The following PLAAT3 variants were observed in gnomAD, a reference collection of about 807,000 sequenced individuals.
PLAAT3 encodes phospholipase A and acyltransferase 3.
A neutral mutation model predicts 16.7 loss-of-function variants in PLAAT3; 21 were observed. The ratio of observed to expected loss-of-function variants is 1.26; its 90% CI spans 0.89 to 1.81. The LOEUF (loss-of-function observed/expected upper bound fraction) is 1.81. Among genes scored for constraint, PLAAT3 ranks in the 40% most tolerant of loss-of-function variants. The probability of loss-of-function intolerance (pLI) is 0.00; values close to 1 mark genes in which losing one functional copy is unlikely to be tolerated. For synonymous variants in PLAAT3, 76 were observed against 81.7 expected (o/e 0.93, Z 0.38); for missense variants, 219 against 213.7 (o/e 1.02, Z -0.16).
chr11:63,603,836 T>C (rs1938494274), intron 2 of PLAAT3, among the ~76,000 whole-genome samples: 1 of 151,878 alleles, frequency 6.6e-6, no homozygotes, highest in African/African-American at 2.4e-5. Context: ...TTGAAAGACA[T>C]TATTATTCCA....
chr11:63,592,270 G>A (rs1166803376), intron 3 of PLAAT3, among the ~76,000 whole-genome samples: 1 of 151,700 alleles, frequency 6.6e-6, no homozygotes, highest in Non-Finnish European at 1.5e-5. Flanking sequence ...CAGTTCAAGC[G>A]ATTCTCATGC....
intron 4 of PLAAT3, among the ~76,000 whole-genome samples, chr11:63,586,905 G>A (rs1198699573): frequency 6.6e-6 from 1 of 152,152 alleles, no homozygotes; most frequent in Admixed American, 6.5e-5. Context: ...CCGATATGGG[G>A]AAACCACATC....
chr11:63,601,383 A>G (rs2134422101), intron 2 of PLAAT3, among the ~76,000 whole-genome samples: 1 of 142,578 alleles, frequency 7.0e-6, no homozygotes, highest in East Asian at 2.3e-4. Flanking sequence ...TTTAGAAGGG[A>G]AAAAAGCTGT....
At chr11:63,582,833 A>G (rs940665561) in intron 4 of PLAAT3, among the ~76,000 whole-genome samples, 2 of 152,190 alleles carry the variant, frequency 1.3e-5, no homozygotes, top group Admixed American at 6.6e-5. Flanking sequence ...CATTGGTCAC[A>G]TAGAAGTTTT....
At chr11:63,603,755 GA>G (rs1565255539) in intron 2 of PLAAT3, among the ~76,000 whole-genome samples, 1 of 39,762 alleles carries the variant, frequency 2.5e-5, no homozygotes, top group East Asian at 1.1e-3. Context: ...CACACACACA[GA>G]CAGAGATATT....
At chr11:63,610,909 C>T (rs1174142288) in intron 2 of PLAAT3, among the ~76,000 whole-genome samples, 1 of 152,014 alleles carries the variant, frequency 6.6e-6, no homozygotes, top group East Asian at 1.9e-4. Flanking sequence ...CAGCAGGAGG[C>T]ATCACAGGCT....
At chr11:63,613,678 C>T (rs1938750769) in intron 2 of PLAAT3, among the ~76,000 whole-genome samples, 1 of 19,148 alleles carries the variant, frequency 5.2e-5, no homozygotes, top group African/African-American at 5.6e-5. Context: ...GTCCCGCTGT[C>T]CGGGTGTGGC....
chr11:63,589,631 A>C (rs1938086843), intron 4 of PLAAT3, among the ~76,000 whole-genome samples: 1 of 152,142 alleles, frequency 6.6e-6, no homozygotes, highest in Non-Finnish European at 1.5e-5. Context: ...TGCCACACAG[A>C]CCTGGGCTTC....
upstream of PLAAT3, chr11:63,616,202 A>G (rs1218867974): frequency 6.6e-6 from 1 of 151,968 alleles, no homozygotes; most frequent in Non-Finnish European, 1.5e-5. Context: ...TTATTCCTCT[A>G]TTCCTCCTAA....
chr11:63,614,124 C>T, intron 1 of PLAAT3, 56 bp from the exon 2 acceptor site: 4 of 1,460,380 alleles, frequency 2.7e-6, no homozygotes, highest in Non-Finnish European at 3.8e-6. Flanking sequence ...CGTCTCCAGA[C>T]CCCACGGGAC....
chr11:63,597,799 C>T (rs1464025940), intron 3 of PLAAT3, among the ~76,000 whole-genome samples: 1 of 152,182 alleles, frequency 6.6e-6, no homozygotes, highest in African/African-American at 2.4e-5. Context: ...TGCTCTGGAG[C>T]CCAGTTCCTA....
chr11:63,585,860 G>A (rs1011323881), intron 4 of PLAAT3, among the ~76,000 whole-genome samples: 1 of 152,088 alleles, frequency 6.6e-6, no homozygotes, highest in Non-Finnish European at 1.5e-5. Context: ...AAAGAATAAT[G>A]GTATAAGACA....
intron 3 of PLAAT3, among the ~76,000 whole-genome samples, chr11:63,593,880 C>T (rs905142371): frequency 6.6e-6 from 1 of 152,148 alleles, no homozygotes; most frequent in Non-Finnish European, 1.5e-5. Flanking sequence ...GCACCTGGCC[C>T]TTGATTTACG....
chr11:63,613,898 G>T, intron 2 of PLAAT3, 102 bp downstream of exon 2: 1 of 744,496 alleles, frequency 1.3e-6, no homozygotes, highest in East Asian at 2.8e-5. Flanking sequence ...CCACATCCTC[G>T]AGGCTCCTCT....
chr11:63,586,116 G>A (rs1188456017), intron 4 of PLAAT3, among the ~76,000 whole-genome samples: 1 of 151,978 alleles, frequency 6.6e-6, no homozygotes, highest in East Asian at 1.9e-4. Flanking sequence ...ACTTGGGTGT[G>A]TGTGTGTGTG....
intron 4 of PLAAT3, among the ~76,000 whole-genome samples, chr11:63,577,539 G>A (rs1937648918): frequency 7.4e-6 from 1 of 134,900 alleles, no homozygotes; most frequent in Non-Finnish European, 1.6e-5. Context: ...CTCTAAAATT[G>A]AAGACAGAGA....
chr11:63,609,785 C>A (rs1938649851), intron 2 of PLAAT3, among the ~76,000 whole-genome samples: 1 of 152,174 alleles, frequency 6.6e-6, no homozygotes, highest in African/African-American at 2.4e-5. Flanking sequence ...CCAGCCTCAG[C>A]AGCCCAAAGG....
At chr11:63,607,178 C>A (rs1190447542) in intron 2 of PLAAT3, among the ~76,000 whole-genome samples, 1 of 152,174 alleles carries the variant, frequency 6.6e-6, no homozygotes, top group East Asian at 1.9e-4. Flanking sequence ...CGGGATGGGG[C>A]TGTTTAGAGA....
intron 2 of PLAAT3, chr11:63,608,690 T>G (rs893737411): frequency 2.6e-5 from 4 of 152,228 alleles, no homozygotes; most frequent in Non-Finnish European, 5.9e-5. Flanking sequence ...GGTTTGGGGT[T>G]GTTTATGACA....
Sources: allele counts gnomAD v4.1 joint callset (sites outside exome capture counted in the v4.1 genomes callset), GRCh38; gene constraint gnomAD v4.1.1; transcripts MANE v1.5; gene names NCBI Gene and HGNC (gene_info 2026-07-23, HGNC 2026-07-21).